Variants in GRIK1 observed in about 807,000 individuals in gnomAD.
GRIK1 encodes the protein glutamate receptor ionotropic, kainate 1.
GRIK1 carries 69 observed loss-of-function variants against 105.7 expected under a neutral mutation model. That is an observed-to-expected ratio of 0.65 (90% confidence interval 0.54 to 0.80). The LOEUF is 0.80. GRIK1 is among the 30% of genes least tolerant of loss of function. GRIK1 has a pLI of 0.00. For missense variants in GRIK1, 1,109 were observed against 1,167.3 expected, an observed-to-expected ratio of 0.95 and a Z score of 0.73; for synonymous variants, 438 against 431.3, an observed-to-expected ratio of 1.02 and a Z score of -0.19.
chr21:29,714,312 A>C (rs2064127382), intron 1 of GRIK1, among the ~76,000 whole-genome samples: 1 of 152,192 alleles, frequency 6.6e-6, no homozygotes, highest in Non-Finnish European at 1.5e-5. Flanking sequence ...ATGGATCTTA[A>C]TATCAAATGC....
intron 1 of GRIK1, among the ~76,000 whole-genome samples, chr21:29,848,657 A>T (rs1864702929): frequency 6.6e-6 from 1 of 150,796 alleles, no homozygotes; most frequent in Admixed American, 6.6e-5. Context: ...TCTTAATATC[A>T]TCTACAAGGC....
At chr21:29,675,216 G>A (rs959150248) in intron 3 of GRIK1, among the ~76,000 whole-genome samples, 12 of 152,124 alleles carry the variant, frequency 7.9e-5, no homozygotes, top group African/African-American at 1.2e-4. Flanking sequence ...ATCTTTTGAC[G>A]TCACCATCCT....
rs550034060 is a variant in GRIK1, at chr21:29,700,069, G to C, written c.119-6006C>G. Among the ~76,000 whole-genome samples the C allele has an allele frequency of 5.9e-5, 9 of 152,316 alleles. No homozygotes were observed. The South Asian group carries it at 1.9e-3, about 32-fold the overall frequency. Reference sequence around the variant, plus strand: ...CTGACTTTACAGCGCAGTAATTTAAGATAAGCCAAGAGGAATTCACTTGAA... The same window carrying C: ...CTGACTTTACAGCGCAGTAATTTAACATAAGCCAAGAGGAATTCACTTGAA... On this transcript the variant is annotated intron_variant, in intron 1 of 17. Transcript: ENST00000327783.
At chr21:29,601,088 A>G in intron 7 of GRIK1, 1 of 292,628 alleles carries the variant, frequency 3.4e-6, no homozygotes, top group Admixed American at 3.0e-5. Flanking sequence ...GGGTGTTTCC[A>G]AAAAAGATTA....
At chr21:29,925,607 G>A (rs1269753053) in intron 1 of GRIK1, among the ~76,000 whole-genome samples, 4 of 152,300 alleles carry the variant, frequency 2.6e-5, no homozygotes, top group African/African-American at 9.6e-5. Context: ...TGATTTGAAG[G>A]ATTACTTCAC....
chr21:29,805,534 T>C (rs2066841076), intron 1 of GRIK1, among the ~76,000 whole-genome samples: 1 of 152,128 alleles, frequency 6.6e-6, no homozygotes. Flanking sequence ...AAGAAGAAAT[T>C]GTTTTCTTCT....
chr21:29,630,448 T>C (rs537235601), intron 7 of GRIK1: 10 of 460,048 alleles, frequency 2.2e-5, no homozygotes, highest in East Asian at 1.4e-4. Context: ...AAAAGTACGA[T>C]TATCCTGCAG....
chr21:29,906,825 AAATTTT>A (rs2070656582), intron 1 of GRIK1, among the ~76,000 whole-genome samples: 1 of 152,158 alleles, frequency 6.6e-6, no homozygotes, highest in Middle Eastern at 3.2e-3. Context: ...CCATTTTAGT[AAATTTT>A]ATTTCTGAAT....
chr21:29,845,911 C>T (rs2068098453), intron 1 of GRIK1, among the ~76,000 whole-genome samples: 1 of 152,168 alleles, frequency 6.6e-6, no homozygotes, highest in African/African-American at 2.4e-5. Context: ...CACCCTGTTA[C>T]ATGCTTTGTC....
chr21:29,615,293 C>T (rs1251305943), intron 7 of GRIK1, among the ~76,000 whole-genome samples: 2 of 150,628 alleles, frequency 1.3e-5, no homozygotes, highest in East Asian at 1.9e-4. Flanking sequence ...CCTTCATGGC[C>T]CACTATTCCT....
intron 2 of GRIK1, among the ~76,000 whole-genome samples, chr21:29,691,235 C>T (rs893865272): frequency 5.3e-5 from 8 of 152,092 alleles, no homozygotes; most frequent in Non-Finnish European, 1.0e-4. Context: ...TGCTTGAACC[C>T]GGGAGGCAGA....
rs1411976259 is a variant in GRIK1, at chr21:29,697,895, CT to C, written c.119-3833del. Among the ~76,000 whole-genome samples the C allele has an allele frequency of 2.2e-3, 327 of 150,512 alleles. 1 individual carries two copies. Among genetic ancestry groups the C allele is most frequent in the African/African-American group, 7.7e-3 (314 of 40,972 alleles). On this transcript the variant is annotated intron_variant, in intron 1 of 17. Transcript: ENST00000327783. ...TCTTTTTTTCCTTTCTTTTCCTTTC[CT>C]TTCTCTTTTCTTTCTTTCTTTCTCT...
intron 1 of GRIK1, among the ~76,000 whole-genome samples, chr21:29,812,122 G>C (rs1233568110): frequency 6.6e-6 from 1 of 152,092 alleles, no homozygotes; most frequent in Non-Finnish European, 1.5e-5. Flanking sequence ...ATGTACGTGT[G>C]TATAATTTCA....
intron 16 of GRIK1, among the ~76,000 whole-genome samples, chr21:29,538,943 A>G (rs141716751): frequency 2.0e-5 from 3 of 152,296 alleles, no homozygotes; most frequent in Admixed American, 1.3e-4. Context: ...GGTGTAAACT[A>G]TTGGCCTATC....
intron 1 of GRIK1, among the ~76,000 whole-genome samples, chr21:29,824,798 C>T (rs947901435): frequency 4.0e-5 from 6 of 151,898 alleles, no homozygotes; most frequent in African/African-American, 1.4e-4. Context: ...TATGGAGGGT[C>T]ATAAGAAGAC....
At chr21:29,877,394 C>G (rs569760835) in intron 1 of GRIK1, among the ~76,000 whole-genome samples, 1 of 152,118 alleles carries the variant, frequency 6.6e-6, no homozygotes, top group Admixed American at 6.5e-5. Context: ...TCTTGGATAA[C>G]AGGCTTTAGA....
intron 1 of GRIK1, among the ~76,000 whole-genome samples, chr21:29,700,821 CCTCTTCTTCCCAAAAGGAA>C (rs1266971205): frequency 6.6e-6 from 1 of 152,040 alleles, no homozygotes; most frequent in Non-Finnish European, 1.5e-5. Context: ...TTAAATTTAC[CCTCTTCTTCCCAAAAGGAA>C]TTTCAGACAA....
At chr21:29,819,715 G>C (rs1276825970) in intron 1 of GRIK1, among the ~76,000 whole-genome samples, 1 of 152,008 alleles carries the variant, frequency 6.6e-6, no homozygotes, top group Non-Finnish European at 1.5e-5. Flanking sequence ...TGTGAGGACA[G>C]AGGTTCGAAA....
At chr21:29,779,361 T>C (rs1035076270) in intron 1 of GRIK1, among the ~76,000 whole-genome samples, 7 of 148,654 alleles carry the variant, frequency 4.7e-5, no homozygotes, top group Non-Finnish European at 8.9e-5. Flanking sequence ...TGTGTGTGTG[T>C]GCACGTGTGT....
Sources: gnomAD v4.1 joint callset for allele counts (sites outside exome capture counted in the v4.1 genomes callset) on GRCh38, gnomAD v4.1.1 for gene constraint, MANE v1.5 for transcripts, NCBI Gene and HGNC (gene_info 2026-07-23, HGNC 2026-07-21) for gene names.